The following NPSR1 variants were observed in gnomAD, a reference collection of about 807,000 sequenced individuals.
The protein encoded by NPSR1 is neuropeptide S receptor.
Under a neutral mutation model 46.9 loss-of-function variants are expected in NPSR1, and 48 were observed. That is an observed-to-expected ratio of 1.02 (90% CI 0.81 to 1.30). The LOEUF is 1.30. NPSR1 is among the 50% of genes most tolerant of loss of function. The pLI is 0.00. For missense variants in NPSR1, 450 were observed against 449.5 expected (o/e 1.00, Z -0.01); for synonymous variants, 176 against 168.1 (o/e 1.05, Z -0.36).
intron 2 of NPSR1, among the ~76,000 whole-genome samples, chr7:34,774,575 T>G (rs1480694475): frequency 1.3e-5 from 2 of 152,318 alleles, no homozygotes; most frequent in African/African-American, 4.8e-5. Context: ...TAGGAAGGGT[T>G]TCTCAAAAGG....
intron 2 of NPSR1, among the ~76,000 whole-genome samples, chr7:34,696,615 G>T (rs1021290412): frequency 2.0e-5 from 3 of 151,874 alleles, no homozygotes; most frequent in Non-Finnish European, 4.4e-5. Context: ...AGCTAAAGAA[G>T]AAATCATTGA....
chr7:34,834,116 C>T, intron 5 of NPSR1: 1 of 479,446 alleles, frequency 2.1e-6, no homozygotes, highest in Non-Finnish European at 3.7e-6. Context: ...TCACAGCTCT[C>T]CCTCAAACCA....
At chr7:34,771,947 T>C (rs1406034821) in intron 2 of NPSR1, among the ~76,000 whole-genome samples, 1 of 152,202 alleles carries the variant, frequency 6.6e-6, no homozygotes, top group Non-Finnish European at 1.5e-5. Context: ...AGGGTAGTAA[T>C]TCTCTTTTAA....
chr7:34,668,264 T>C (rs1279343785), intron 1 of NPSR1, among the ~76,000 whole-genome samples: 2 of 152,206 alleles, frequency 1.3e-5, no homozygotes, highest in Non-Finnish European at 2.9e-5. Context: ...AGTGCTCAAA[T>C]GCAGGTTTCT....
At chr7:34,815,095 G>C (rs1158175677) in intron 4 of NPSR1, among the ~76,000 whole-genome samples, 1 of 152,202 alleles carries the variant, frequency 6.6e-6, no homozygotes, top group Admixed American at 6.5e-5. Context: ...GTAGGCTTCA[G>C]AAGGTCGGTA....
chr7:34,799,287 T>A (rs553090216), intron 3 of NPSR1, among the ~76,000 whole-genome samples: 6 of 151,866 alleles, frequency 4.0e-5, no homozygotes, highest in Non-Finnish European at 5.9e-5. Flanking sequence ...TCAGAAAAAA[T>A]TAATAATTAA....
In NPSR1 at chr7:34,658,495, A is replaced by C. The variant is rs753560177; in HGVS notation, c.83A>C (p.Glu28Ala). ...TLDSSPVACT[E>A]TVTFTEVVEG... is the part of the protein sequence containing the mutation. ...GATTCTTCCCCAGTGGCTTGCACTG[A>C]AACAGTGACTTTTACTGAAGTGGTG... Residue 28 changes from glutamate (E) to alanine (A), a missense_variant, in exon 1 of 9, where the codon GAA (glutamate) becomes GCA (alanine). Physicochemically the swap from Glu to Ala is moderately radical, Grantham distance 107 (BLOSUM62 -1). Transcript: ENST00000360581. 1 of 1,614,130 alleles carries C rather than the reference A, an allele frequency of 6.2e-7. No individual in the cohort carries two copies. The highest frequency in any genetic ancestry group is 2.2e-5 in the East Asian group (1 of 44,852).
intron 8 of NPSR1, among the ~76,000 whole-genome samples, chr7:34,875,207 T>G (rs1018663464): frequency 6.6e-6 from 1 of 152,194 alleles, no homozygotes; most frequent in African/African-American, 2.4e-5. Context: ...ACATAAGTAA[T>G]TAAAGGTCAA....
chr7:34,790,861 T>TATATATC (rs1787751603), intron 3 of NPSR1, among the ~76,000 whole-genome samples: 22 of 115,806 alleles, frequency 1.9e-4, no homozygotes, highest in Admixed American at 8.0e-4. Context: ...TATGTTATGT[T>TATATATC]ATATATGTTA....
At chr7:34,760,962 C>T (rs1485980310) in intron 2 of NPSR1, 2 of 152,562 alleles carry the variant, frequency 1.3e-5, no homozygotes, top group East Asian at 1.9e-4. Context: ...GTCATCATCA[C>T]GTAGTAATTT....
At chr7:34,739,901 T>C (rs324387) in intron 2 of NPSR1, among the ~76,000 whole-genome samples, 79,451 of 152,012 alleles carry the variant, frequency 0.52, 21,151 homozygotes, top group African/African-American at 0.59. Flanking sequence ...GGAGGTGGTG[T>C]TTTTAAGAGA....
chr7:34,811,386 C>T lies in NPSR1; in HGVS notation c.385-384C>T, dbSNP rs112869309. On this transcript the variant is annotated intron_variant, in intron 3 of 8. Transcript: ENST00000360581. Reference sequence around the variant, plus strand: ...TGTTCAGACCCTCCTTCTCTTCTCTCCTTCTCTGCCATGCTGTTCTGCCAT... The same window carrying T: ...TGTTCAGACCCTCCTTCTCTTCTCTTCTTCTCTGCCATGCTGTTCTGCCAT... Among the ~76,000 whole-genome samples the T allele has an allele frequency of 3.4e-3, 512 of 152,188 alleles. 4 individuals carry two copies. The highest frequency in any genetic ancestry group is 5.5e-3 in the Non-Finnish European group (372 of 67,990).
intron 2 of NPSR1, among the ~76,000 whole-genome samples, chr7:34,732,984 C>T (rs1164701223): frequency 6.6e-6 from 1 of 152,196 alleles, no homozygotes; most frequent in Non-Finnish European, 1.5e-5. Context: ...GTGAATACAG[C>T]ACTTGGTAAA....
intron 2 of NPSR1, among the ~76,000 whole-genome samples, chr7:34,748,193 T>C (rs1001243973): frequency 1.3e-5 from 2 of 152,246 alleles, no homozygotes; most frequent in African/African-American, 4.8e-5. Context: ...ACCATCAGGA[T>C]CAAGGCATAC....
intron 8 of NPSR1, among the ~76,000 whole-genome samples, chr7:34,871,797 T>C (rs1041256441): frequency 5.9e-5 from 9 of 151,928 alleles, no homozygotes; most frequent in African/African-American, 1.7e-4. Context: ...ATGGGTGGGC[T>C]CCCAAGGCCT....
At chr7:34,863,799 T>C (rs1791243121) in intron 8 of NPSR1, among the ~76,000 whole-genome samples, 1 of 151,740 alleles carries the variant, frequency 6.6e-6, no homozygotes, top group African/African-American at 2.4e-5. Flanking sequence ...AGTTCAACCA[T>C]TGTGGAAGAC....
rs552323410 is a variant in NPSR1, at chr7:34,874,358, C to A, written c.1026-3718C>A. ...AACATAGTGGTGTCATATTTGAGCT[C>A]ACATTACCCTAAGATTCACCCTACC... On this transcript the variant is annotated intron_variant, in intron 8 of 8. Transcript: ENST00000359791. Among the ~76,000 whole-genome samples the A allele has an allele frequency of 2.6e-3, 396 of 152,206 alleles. 4 individuals are homozygous for A. The highest frequency in any genetic ancestry group is 0.01 in the Middle Eastern group (3 of 294).
chr7:34,720,840 T>C (rs1007950037), intron 2 of NPSR1, among the ~76,000 whole-genome samples: 3 of 152,122 alleles, frequency 2.0e-5, no homozygotes, highest in Admixed American at 6.5e-5. Flanking sequence ...TATCTGCTTC[T>C]AATCATCAAG....
chr7:34,745,070 C>T (rs1562696729), intron 2 of NPSR1, among the ~76,000 whole-genome samples: 1 of 152,124 alleles, frequency 6.6e-6, no homozygotes, highest in Non-Finnish European at 1.5e-5. Context: ...ATTTTGGTAT[C>T]CATGGAAGGC....
Sources: allele counts gnomAD v4.1 joint callset (sites outside exome capture counted in the v4.1 genomes callset), GRCh38; gene constraint gnomAD v4.1.1; transcripts MANE v1.5; gene names NCBI Gene and HGNC (gene_info 2026-07-23, HGNC 2026-07-21).